Variants in SYNM observed in about 807,000 individuals in gnomAD.
SYNM encodes the protein synemin.
Under a neutral mutation model 104.0 loss-of-function variants are expected in SYNM, and 95 were observed. The observed-to-expected ratio is 0.91, with a 90% CI of 0.77 to 1.08. SYNM has a LOEUF of 1.08. Among genes scored for constraint, SYNM ranks in the 50% least tolerant of loss-of-function variants. The pLI, the probability that SYNM is intolerant of heterozygous loss-of-function variation, is 0.00. For synonymous variants in SYNM, 918 were observed against 869.0 expected (o/e 1.06, Z -0.99); for missense variants, 2,150 against 2,052.2 (o/e 1.05, Z -0.92).
At chr15:99,125,892 G>A (rs527869820) in intron 2 of SYNM, among the ~76,000 whole-genome samples, 1 of 152,338 alleles carries the variant, frequency 6.6e-6, no homozygotes, top group Admixed American at 6.5e-5. Context: ...CCCCTCGCCA[G>A]CAGGCTGGGT....
At position 99,105,702 on chromosome 15, in the gene SYNM, C is replaced by CCCGCGCCACCGGCCCCG. The variant is rs1198118776; in HGVS notation, c.511_527dup (p.Pro178AlafsTer101). ...GCCAGCCTTACCATGCATTTCCGCG[C>CCCGCGCCACCGGCCCCG]CCGCGCCACCGGCCCCGCCGCGCCG... On this transcript the variant is annotated frameshift_variant, in exon 1 of 4. Coordinates refer to ENST00000336292, the MANE Select transcript of SYNM (RefSeq NM_145728.3). LOFTEE classifies it high-confidence loss of function. 5 of 1,487,188 alleles carry CCCGCGCCACCGGCCCCG rather than the reference C, an allele frequency of 3.4e-6. No individual in the cohort carries two copies. Among genetic ancestry groups the CCCGCGCCACCGGCCCCG allele is most frequent in the Non-Finnish European group, 4.4e-6 (5 of 1,124,290 alleles). 92.1% of individuals were successfully genotyped at this position (1,487,188 alleles called of 1,614,324 possible).
At chr15:99,122,131 AAAC>A (rs1567279576) in intron 2 of SYNM, among the ~76,000 whole-genome samples, 2 of 152,232 alleles carry the variant, frequency 1.3e-5, no homozygotes, top group Admixed American at 6.5e-5. Flanking sequence ...GTTAGGTTAG[AAAC>A]AACAACATCA....
At chr15:99,109,982 GTTT>G (rs1206386642) in intron 1 of SYNM, among the ~76,000 whole-genome samples, 8 of 152,282 alleles carry the variant, frequency 5.3e-5, no homozygotes, top group Middle Eastern at 3.4e-3. Context: ...TGTTGCTGCT[GTTT>G]TAAAAATAGA....
downstream of SYNM, chr15:99,139,610 A>C: frequency 6.6e-7 from 1 of 1,524,754 alleles, no homozygotes; most frequent in Non-Finnish European, 8.8e-7. Context: ...GCACTATTTC[A>C]CAAAACTCTC....
At chr15:99,118,553 C>A (rs1254421112) in intron 2 of SYNM, among the ~76,000 whole-genome samples, 1 of 152,166 alleles carries the variant, frequency 6.6e-6, no homozygotes, top group African/African-American at 2.4e-5. Context: ...CAAGGACTCT[C>A]AAATGTACTG....
downstream of SYNM, among the ~76,000 whole-genome samples, chr15:99,136,045 G>A (rs1376516366): frequency 6.6e-6 from 1 of 152,164 alleles, no homozygotes; most frequent in Non-Finnish European, 1.5e-5. Context: ...CATTTCTTAG[G>A]GGCTTGAAAA....
chr15:99,132,868 T>A lies in SYNM; in HGVS notation c.4508T>A (p.Val1503Glu), dbSNP rs782767692. The change falls in exon 4 of 4, where the codon GTG becomes GAG. Residue 1503 changes from valine to glutamate, a missense_variant. Transcript: ENST00000336292. The stretch of plus-strand genomic sequence containing the variant: ...AGTAGGAATGACCAGGCAGTTGGTG[T>A]GAGCTTTAAGGCCTCTGCTGGGGAA... ...ADSRNDQAVG[V>E]SFKASAGEGD... The A allele has an allele frequency of 7.4e-6, 12 of 1,613,834 alleles. No homozygotes were observed. The highest frequency in any genetic ancestry group is 6.7e-5 in the East Asian group (3 of 44,872).
chr15:99,130,543 A>G lies in SYNM; in HGVS notation c.2183A>G (p.Asp728Gly). Residue 728 changes from aspartate (D) to glycine (G), a missense_variant, in exon 4 of 4, where the codon GAC (aspartate) becomes GGC (glycine). Asp to Gly is a moderately conservative substitution (Grantham distance 94). Coordinates refer to ENST00000336292, the MANE Select transcript of SYNM (RefSeq NM_145728.3). The stretch of plus-strand genomic sequence containing the variant: ...AAGTCAGCCGAGCAGATGATAGGAG[A>G]CATCATCAACCTCGGCCTGAAAGGG... ...KGKSAEQMIGDIINLGLKGRE... is the reference protein window; with the variant it reads ...KGKSAEQMIGGIINLGLKGRE... The G allele has an allele frequency of 1.2e-6, 2 of 1,613,878 alleles. No homozygotes were observed. Among genetic ancestry groups the G allele is most frequent in the African/African-American group, 2.7e-5 (2 of 75,028 alleles).
chr15:99,112,615 G>A (rs1047625733), intron 1 of SYNM, among the ~76,000 whole-genome samples: 5 of 152,238 alleles, frequency 3.3e-5, no homozygotes, highest in South Asian at 2.1e-4. Flanking sequence ...GAGGCAGGTC[G>A]GGGACCCGGC....
At chr15:99,120,166 C>T (rs1257477463) in intron 2 of SYNM, among the ~76,000 whole-genome samples, 9 of 152,186 alleles carry the variant, frequency 5.9e-5, no homozygotes, top group Non-Finnish European at 1.0e-4. Context: ...GGCCTTCACC[C>T]AAGGCTGTTC....
chr15:99,129,231 T>C (rs1192718986), intron 3 of SYNM, 136 bp from the exon 4 acceptor site: 6 of 1,294,586 alleles, frequency 4.6e-6, no homozygotes, highest in African/African-American at 1.5e-5. Flanking sequence ...ATATAACTTA[T>C]CTTTATAATG....
At position 99,132,084 on chromosome 15, in the gene SYNM, G is replaced by A; in HGVS notation, c.3724G>A (p.Ala1242Thr). 6.2e-7 allele frequency: 1 copy of A among 1,613,946 alleles called. No individual in the cohort carries two copies. Among genetic ancestry groups the A allele is most frequent in the Non-Finnish European group, 8.5e-7 (1 of 1,179,902 alleles). ...GATTATTTTTCAGGGCCCCATTTCT[G>A]CTGCAGGGAAGGTTGGTGATTATTT... ...KEIIFQGPIS[A>T]AGKVGDYFAT... Residue 1242 changes from alanine to threonine, a missense_variant, in exon 4 of 4, where the codon GCT becomes ACT. Transcript: ENST00000336292.
downstream of SYNM, chr15:99,139,475 G>A: frequency 1.3e-6 from 2 of 1,598,276 alleles, no homozygotes; most frequent in Non-Finnish European, 1.7e-6. Context: ...TCCCTTGAAT[G>A]AGAGAAAGAT....
intron 1 of SYNM, among the ~76,000 whole-genome samples, chr15:99,110,472 G>A (rs2067291666): frequency 6.6e-6 from 1 of 152,222 alleles, no homozygotes; most frequent in Non-Finnish European, 1.5e-5. Context: ...AGTTCAGGGT[G>A]CTGTCTGGGC....
At chr15:99,111,821 G>T (rs1368803505) in intron 1 of SYNM, among the ~76,000 whole-genome samples, 1 of 152,198 alleles carries the variant, frequency 6.6e-6, no homozygotes, top group Non-Finnish European at 1.5e-5. Flanking sequence ...GAGGCGGGAG[G>T]ATCACCTGAG....
Position 99,112,860 on chromosome 15 carries a change from G to A in SYNM, c.811-731G>A, listed in dbSNP as rs529831340. 7.9e-5 allele frequency among the ~76,000 whole-genome samples: 12 copies of A among 152,194 alleles called. No individual in the cohort carries two copies. In the South Asian group the frequency reaches 1.0e-3, roughly 13 times the overall value. ...TGAGTAGCTGGGATTACAGGTCTGC[G>A]CCACCATGCCCAGCTATTTTTTGTA... is the stretch of plus-strand genomic sequence containing the variant. On this transcript the variant is annotated intron_variant, in intron 1 of 3. Transcript: ENST00000336292.
chr15:99,105,719 G>A lies in SYNM; in HGVS notation c.520G>A (p.Ala174Thr), dbSNP rs2067230226. 2 of 1,498,114 alleles carry A rather than the reference G, an allele frequency of 1.3e-6. No individual in the cohort carries two copies. The highest frequency in any genetic ancestry group is 2.8e-5 in the East Asian group (1 of 35,880). 92.8% of individuals were successfully genotyped at this position (1,498,114 alleles called of 1,614,324 possible). A position where few individuals can be genotyped will look rare whatever the true frequency, so the allele number is the denominator to read the frequency against. ...TTTCCGCGCCCGCGCCACCGGCCCC[G>A]CCGCGCCGCCGCCACGCCTGCGGGA... ...MHFRARATGP[A>T]APPPRLREVH... Residue 174 changes from alanine (A) to threonine (T), a missense_variant, in exon 1 of 4, where the codon GCC (alanine) becomes ACC (threonine). Physicochemically the swap from Ala to Thr is moderately conservative, Grantham distance 58. Transcript: ENST00000336292.
chr15:99,105,867 C>A lies in SYNM; in HGVS notation c.668C>A (p.Ala223Glu). The A allele has an allele frequency of 6.5e-7, 1 of 1,540,228 alleles. No individual in the cohort carries two copies. Among genetic ancestry groups the A allele is most frequent in the Non-Finnish European group, 8.7e-7 (1 of 1,145,898 alleles). The change falls in exon 1 of 4, where the codon GCG becomes GAG. Residue 223 changes from alanine to glutamate, a missense_variant. Coordinates refer to ENST00000336292, the MANE Select transcript of SYNM (RefSeq NM_145728.3). The stretch of plus-strand genomic sequence containing the variant: ...CGCGGCCAGGAGAGCAGACTCCAGG[C>A]GGAGGAAGAGACGCGGCTGTGCGCG... ...LRRGQESRLQ[A>E]EEETRLCAQE...
chr15:99,113,807 G>C lies in SYNM; in HGVS notation c.935+92G>C, dbSNP rs2067322042. On this transcript the variant is annotated intron_variant, in intron 2 of 3. Coordinates refer to ENST00000336292, the MANE Select transcript of SYNM (RefSeq NM_145728.3). ...TGGTCTAGGGACCGTAGCCTTTGTG[G>C]AGTCACTGTGGCTTTGTGACAAGCA... 6 of 1,518,052 alleles carry C rather than the reference G, an allele frequency of 4.0e-6. No individual in the cohort carries two copies. The East Asian group carries it at 1.2e-4, about 30-fold the overall frequency. The allele number at this position is 1,518,052 out of a possible 1,614,324, so 94.0% of individuals were successfully genotyped here. A position where few individuals can be genotyped will look rare whatever the true frequency, so the allele number is the denominator to read the frequency against.
Sources: gnomAD v4.1 joint callset for allele counts (sites outside exome capture counted in the v4.1 genomes callset) on GRCh38, gnomAD v4.1.1 for gene constraint, MANE v1.5 for transcripts, NCBI Gene and HGNC (gene_info 2026-07-23, HGNC 2026-07-21) for gene names.